PLA2G2D: variants seen among roughly 807,000 people sequenced by gnomAD.
PLA2G2D encodes the protein group IID secretory phospholipase A2.
Under a neutral mutation model 13.9 loss-of-function variants are expected in PLA2G2D, and 17 were observed. That is an observed-to-expected ratio of 1.23 (90% confidence interval 0.84 to 1.84). The LOEUF (loss-of-function observed/expected upper bound fraction) is 1.84. PLA2G2D is among the 40% of genes most tolerant of loss of function. The pLI, the probability that PLA2G2D is intolerant of heterozygous loss-of-function variation, is 0.00. For missense variants in PLA2G2D, 194 were observed against 178.7 expected (o/e 1.09, Z -0.49); for synonymous variants, 83 against 69.3 (o/e 1.20, Z -0.98).
chr1:20,115,696 T>C, intron 2 of PLA2G2D, 83 bp from the exon 3 acceptor site: 1 of 853,246 alleles, frequency 1.2e-6, no homozygotes, highest in East Asian at 2.4e-5. Context: ...GAAGAACCCG[T>C]GTCCCCACCT....
chr1:20,118,284 G>A (rs972790343), intron 1 of PLA2G2D, among the ~76,000 whole-genome samples: 5 of 152,156 alleles, frequency 3.3e-5, no homozygotes, highest in African/African-American at 1.2e-4. Flanking sequence ...GAATGATGCA[G>A]CTCTTTCTTG....
intron 1 of PLA2G2D, 61 bp downstream of exon 1, chr1:20,119,398 G>C: frequency 7.1e-7 from 1 of 1,407,662 alleles, no homozygotes; most frequent in Non-Finnish European, 1.0e-6. Flanking sequence ...GGGAAAGAGA[G>C]CACAGGGGTA....
intron 3 of PLA2G2D, 131 bp from the exon 4 acceptor site, chr1:20,114,390 C>G (rs929849062): frequency 2.2e-6 from 2 of 898,984 alleles, no homozygotes; most frequent in African/African-American, 1.7e-5. Flanking sequence ...AACCTCGATT[C>G]TAGCTGCATG....
chr1:20,117,835 T>C (rs1005875878), intron 1 of PLA2G2D, among the ~76,000 whole-genome samples: 1 of 151,994 alleles, frequency 6.6e-6, no homozygotes. Context: ...TTGGGGACCG[T>C]TGGGCTGGGA....
intron 1 of PLA2G2D, among the ~76,000 whole-genome samples, chr1:20,118,062 C>G (rs1248695504): frequency 6.6e-6 from 1 of 152,108 alleles, no homozygotes; most frequent in African/African-American, 2.4e-5. Flanking sequence ...GGTGAAGGAT[C>G]CCGGGCCCTC....
chr1:20,117,929 G>C (rs769014486), intron 1 of PLA2G2D, among the ~76,000 whole-genome samples: 2 of 152,168 alleles, frequency 1.3e-5, no homozygotes, highest in African/African-American at 4.8e-5. Context: ...AAGTGACTGG[G>C]CCATCATGTC....
Position 20,114,086 on chromosome 1 carries a change from T to C in PLA2G2D, c.*28A>G. The C allele has an allele frequency of 1.9e-6, 3 of 1,602,178 alleles. No homozygotes were observed. The highest frequency in any genetic ancestry group is 2.6e-6 in the Non-Finnish European group (3 of 1,173,972). The stretch of plus-strand genomic sequence containing the variant: ...AGGTGGGGATGCCAGAGCTCCATGC[T>C]GAGGAACAGGGTAGAGGGTGTGGGC... On this transcript the variant is annotated 3_prime_UTR_variant, in exon 4 of 4. Transcript: ENST00000375105.
At chr1:20,116,060 C>T (rs679667) in intron 2 of PLA2G2D, among the ~76,000 whole-genome samples, 22,232 of 152,028 alleles carry the variant, frequency 0.15, 3,008 homozygotes, top group African/African-American at 0.36. Context: ...TAAAAACCAA[C>T]GTCCATTGCA....
intron 3 of PLA2G2D, among the ~76,000 whole-genome samples, chr1:20,114,720 TC>T (rs2016949159): frequency 6.6e-6 from 1 of 151,890 alleles, no homozygotes; most frequent in African/African-American, 2.4e-5. Flanking sequence ...ATGCAAAGAC[TC>T]CCGGGCAGGA....
Position 20,114,177 on chromosome 1 carries a change from G to A in PLA2G2D, c.375C>T (p.Thr125=). 2 of 1,613,986 alleles carry A rather than the reference G, an allele frequency of 1.2e-6. No individual in the cohort carries two copies. The highest frequency in any genetic ancestry group is 1.7e-6 in the Non-Finnish European group (2 of 1,179,904). Residue 125 remains threonine (T), a synonymous_variant, in exon 4 of 4, where the codon ACC becomes ACT. Coordinates refer to ENST00000375105, the MANE Select transcript of PLA2G2D (RefSeq NM_012400.4). ...AGTAGAAACGCAGTCGCTTCTGGTA[G>A]GTGTCCAGGTTGCGCTTCAGGCAGA... ...VAFCLKRNLD[T]YQKRLRFYWR... is the part of the protein sequence containing the mutation.
At chr1:20,115,877 A>G (rs959190363) in intron 2 of PLA2G2D, among the ~76,000 whole-genome samples, 1 of 152,202 alleles carries the variant, frequency 6.6e-6, no homozygotes, top group Non-Finnish European at 1.5e-5. Context: ...AGAGATGAAG[A>G]AACTGAGACT....
At chr1:20,117,011 A>G (rs767611911) in intron 1 of PLA2G2D, among the ~76,000 whole-genome samples, 4 of 152,066 alleles carry the variant, frequency 2.6e-5, no homozygotes, top group Non-Finnish European at 5.9e-5. Context: ...CTTCTTTTGT[A>G]TTGATTTCTC....
chr1:20,113,968 G>T lies in PLA2G2D; in HGVS notation c.*146C>A. ...TGGGAGGATTCGGAAAGCTTCAGAA[G>T]GTCAGAAGGCATTGGTAGAGGGTTC... On this transcript the variant is annotated 3_prime_UTR_variant, in exon 4 of 4. Transcript: ENST00000375105. 1 of 648,500 alleles carries T rather than the reference G, an allele frequency of 1.5e-6. No individual in the cohort carries two copies. Among genetic ancestry groups the T allele is most frequent in the Non-Finnish European group, 2.7e-6 (1 of 373,870 alleles). 40.2% of individuals were successfully genotyped at this position (648,500 alleles called of 1,614,324 possible). A position where few individuals can be genotyped will look rare whatever the true frequency, so the allele number is the denominator to read the frequency against.
In PLA2G2D at chr1:20,115,577, C is replaced by T. The variant is rs1487565589; in HGVS notation, c.222G>A (p.Leu74=). The T allele has an allele frequency of 3.7e-6, 6 of 1,613,046 alleles. No homozygotes were observed. Among genetic ancestry groups the T allele is most frequent in the Middle Eastern group, 1.7e-4 (1 of 6,058 alleles). ...CQTHDCCYDH[L]KTQGCSIYKD... ...TGTAGATGCTGCACCCCTGGGTCTT[C>T]AGGTGGTCATAGCAGCAGTCATGGG... is the stretch of plus-strand genomic sequence containing the variant. The change falls in exon 3 of 4, where the codon CTG becomes CTA. Residue 74 remains leucine, a synonymous_variant. Transcript: ENST00000375105.
intron 3 of PLA2G2D, 25 bp from the exon 4 acceptor site, chr1:20,114,284 T>C (rs746679820): frequency 1.1e-5 from 17 of 1,607,874 alleles, no homozygotes; most frequent in Non-Finnish European, 1.4e-5. Flanking sequence ...GGGGGAGCTA[T>C]GTGTTTGTCC....
At chr1:20,116,889 A>C (rs1286186684) in intron 1 of PLA2G2D, among the ~76,000 whole-genome samples, 3 of 151,416 alleles carry the variant, frequency 2.0e-5, no homozygotes, top group South Asian at 4.3e-4. Flanking sequence ...CTGAGGTGGG[A>C]GGTGGAGGCT....
At chr1:20,115,697 G>T in intron 2 of PLA2G2D, 84 bp from the exon 3 acceptor site, 1 of 853,938 alleles carries the variant, frequency 1.2e-6, no homozygotes. Flanking sequence ...AAGAACCCGT[G>T]TCCCCACCTG....
chr1:20,118,445 T>G (rs1458378263), intron 1 of PLA2G2D, among the ~76,000 whole-genome samples: 1 of 152,134 alleles, frequency 6.6e-6, no homozygotes, highest in Non-Finnish European at 1.5e-5. Context: ...TGTCAGCCGT[T>G]CTTGCCTGGG....
At chr1:20,117,231 T>C (rs752546325) in intron 1 of PLA2G2D, among the ~76,000 whole-genome samples, 4 of 152,208 alleles carry the variant, frequency 2.6e-5, no homozygotes, top group Non-Finnish European at 4.4e-5. Context: ...ATTTTACAGA[T>C]GAGCAGTTTG....
Sources: allele counts gnomAD v4.1 joint callset (sites outside exome capture counted in the v4.1 genomes callset), GRCh38; gene constraint gnomAD v4.1.1; transcripts MANE v1.5; gene names NCBI Gene and HGNC (gene_info 2026-07-23, HGNC 2026-07-21).